The following PLOD1 variants were observed in gnomAD, a reference collection of about 807,000 sequenced individuals.
PLOD1 encodes procollagen-lysine,2-oxoglutarate 5-dioxygenase 1.
A neutral mutation model predicts 94.7 loss-of-function variants in PLOD1; 70 were observed. The ratio of observed to expected loss-of-function variants is 0.74; its 90% CI spans 0.61 to 0.90. The LOEUF (loss-of-function observed/expected upper bound fraction) is 0.90. PLOD1 is among the 40% of genes least tolerant of loss of function. The probability of loss-of-function intolerance (pLI) is 0.00; values close to 1 mark genes in which losing one functional copy is unlikely to be tolerated. For synonymous variants in PLOD1, 417 were observed against 400.2 expected (o/e 1.04, Z -0.50); for missense variants, 905 against 972.7 (o/e 0.93, Z 0.93).
Position 11,974,665 on chromosome 1 carries a change from C to G in PLOD1, c.2041C>G (p.Arg681Gly). ...VGVDYEGGGC[R>G]FLRYNCSIRA... ...TTCTGTCTCCCAGGGCGGGGGCTGT[C>G]GGTTCCTGCGCTACAACTGTTCCAT... The change falls in exon 19 of 19, where the codon CGG becomes GGG. Residue 681 changes from arginine to glycine, a missense_variant. Physicochemically the swap from Arg to Gly is moderately radical, Grantham distance 125 (BLOSUM62 -2). Transcript: ENST00000196061. 1 of 1,613,622 alleles carries G rather than the reference C, an allele frequency of 6.2e-7. No homozygotes were observed. The highest frequency in any genetic ancestry group is 8.5e-7 in the Non-Finnish European group (1 of 1,179,732).
intron 5 of PLOD1, 35 bp downstream of exon 5, chr1:11,952,770 T>C: frequency 6.8e-7 from 1 of 1,465,396 alleles, no homozygotes; most frequent in Non-Finnish European, 9.6e-7. Context: ...GAGAGGGGGC[T>C]GGGGATCCAC....
Position 11,964,715 on chromosome 1 carries a change from A to C in PLOD1, c.1400A>C (p.Gln467Pro). 2 of 1,613,472 alleles carry C rather than the reference A, an allele frequency of 1.2e-6. No homozygotes were observed. The highest frequency in any genetic ancestry group is 1.1e-5 in the South Asian group (1 of 91,086). The change falls in exon 13 of 19, where the codon CAG becomes CCG. Residue 467 changes from glutamine (Q) to proline (P), a missense_variant. Physicochemically the swap from Gln to Pro is moderately conservative, Grantham distance 76. Coordinates refer to ENST00000196061, the MANE Select transcript of PLOD1 (RefSeq NM_000302.4). ...IKGSALRGELQSSDLFHHSKL... is the reference protein window; with the variant it reads ...IKGSALRGELPSSDLFHHSKL... ...GGCAGTGCCCTGCGGGGTGAGCTGC[A>C]GTCCTCAGATCTCTTCCACCACAGC...
chr1:11,952,691 G>C lies in PLOD1; in HGVS notation c.535G>C (p.Asp179His), dbSNP rs188165334. Residue 179 changes from aspartate to histidine, a missense_variant, in exon 5 of 19, where the codon GAT (aspartate) becomes CAT (histidine). Coordinates refer to ENST00000196061, the MANE Select transcript of PLOD1 (RefSeq NM_000302.4). The part of the protein sequence containing the change: ...AEWEGQDSDS[D>H]QLFYTKIFLD... ...GTGGGAGGGCCAGGACAGCGACAGC[G>C]ATCAGCTGTTTTACACCAAGATCTT... is the stretch of plus-strand genomic sequence containing the variant. 14 of 1,613,912 alleles carry C rather than the reference G, an allele frequency of 8.7e-6. No individual in the cohort carries two copies. The highest frequency in any genetic ancestry group is 8.3e-5 in the Admixed American group (5 of 59,984).
chr1:11,938,646 G>A (rs1383984257), intron 1 of PLOD1, among the ~76,000 whole-genome samples: 1 of 152,176 alleles, frequency 6.6e-6, no homozygotes, highest in Non-Finnish European at 1.5e-5. Flanking sequence ...GATGGGAGGA[G>A]GCAGCTACTG....
At chr1:11,964,576 C>T (rs1645802211) in intron 12 of PLOD1, 68 bp from the exon 13 acceptor site, 3 of 1,521,626 alleles carry the variant, frequency 2.0e-6, no homozygotes, top group Non-Finnish European at 2.7e-6. Flanking sequence ...CCACCACCAC[C>T]CTGTGACCCC....
Position 11,958,667 on chromosome 1 carries a change from T to C in PLOD1, c.975+20T>C. The C allele has an allele frequency of 6.2e-7, 1 of 1,613,942 alleles. No homozygotes were observed. ...AACCACGTGAGTAACAGGCGCTCTG[T>C]GGGGTCGTCATGTGGCTTAGATCCA... On this transcript the variant is annotated intron_variant, in intron 9 of 18. Transcript: ENST00000196061. This position sits in a 1 kb window ranked among gnomAD's most constrained non-coding sequence, Gnocchi z 4.3.
At chr1:11,962,274 C>CTTTTTTTTTTTTTTTTTTTTTTCT (rs780613164) in intron 10 of PLOD1, among the ~76,000 whole-genome samples, 2 of 99,090 alleles carry the variant, frequency 2.0e-5, no homozygotes, top group Non-Finnish European at 1.9e-5. Context: ...TTTTTGTTTT[C>CTTTTTTTTTTTTTTTTTTTTTTCT]TTTTTTTTTT....
intron 5 of PLOD1, chr1:11,954,372 G>A (rs187047401): frequency 1.2e-4 from 42 of 358,770 alleles, no homozygotes; most frequent in African/African-American, 8.0e-4. Context: ...CGTAGTCCCA[G>A]CTACTCAGGA....
chr1:11,964,563 TC>T, intron 12 of PLOD1, 80 bp from the exon 13 acceptor site: 1 of 1,413,104 alleles, frequency 7.1e-7, no homozygotes, highest in Non-Finnish European at 1.0e-6. Flanking sequence ...AGGCTATGAC[TC>T]CCCACCACCA....
chr1:11,959,736 G>C (rs1402145649), intron 9 of PLOD1, among the ~76,000 whole-genome samples: 3 of 149,976 alleles, frequency 2.0e-5, no homozygotes, highest in African/African-American at 7.4e-5. Flanking sequence ...TCCTGCCTCA[G>C]CCTCCCGAGT....
chr1:11,952,603 C>T lies in PLOD1; in HGVS notation c.467-20C>T, dbSNP rs1645710680. 1.9e-6 allele frequency: 3 copies of T among 1,570,482 alleles called. No homozygotes were observed. Among genetic ancestry groups the T allele is most frequent in the Non-Finnish European group, 2.6e-6 (3 of 1,140,224 alleles). ...GGAAGCTAAGGGTCCGTCTTGGTGT[C>T]CCCACCCACCAACCTTCAGGCTTCA... is the stretch of plus-strand genomic sequence containing the variant. On this transcript the variant is annotated intron_variant, in intron 4 of 18. Coordinates refer to ENST00000196061, the MANE Select transcript of PLOD1 (RefSeq NM_000302.4).
At position 11,934,743 on chromosome 1, in the gene PLOD1, GCCGCCGGGTCGGCC is replaced by G. The variant is rs1645565293; in HGVS notation, c.-36_-23del. 1 of 1,518,608 alleles carries G rather than the reference GCCGCCGGGTCGGCC, an allele frequency of 6.6e-7. No homozygotes were observed. The allele number at this position is 1,518,608 out of a possible 1,614,324, so 94.1% of individuals were successfully genotyped here. ...TCGCGAAGTTTCCAGCCCTGCGAGC[GCCGCCGGGTCGGCC>G]GATCGTCCCCCATACCTCGGCCATG... On this transcript the variant is annotated 5_prime_UTR_variant, in exon 1 of 19. Coordinates refer to ENST00000196061, the MANE Select transcript of PLOD1 (RefSeq NM_000302.4).
intron 18 of PLOD1, 38 bp from the exon 19 acceptor site, chr1:11,974,615 G>C (rs766481633): frequency 1.3e-6 from 2 of 1,595,598 alleles, no homozygotes; most frequent in Non-Finnish European, 1.7e-6. Flanking sequence ...GGGCAGGGGG[G>C]CGGTGGGGAA....
intron 1 of PLOD1, among the ~76,000 whole-genome samples, chr1:11,944,075 T>C (rs1645632833): frequency 6.6e-6 from 1 of 152,006 alleles, no homozygotes; most frequent in Admixed American, 6.6e-5. Context: ...CTACTAAAAA[T>C]ACAAAAAATT....
At chr1:11,937,996 AG>A (rs1438207532) in intron 1 of PLOD1, among the ~76,000 whole-genome samples, 18 of 140,362 alleles carry the variant, frequency 1.3e-4, no homozygotes, top group African/African-American at 4.9e-4. Context: ...TTTGTCGCCC[AG>A]GCTGGAGTGC....
Position 11,954,907 on chromosome 1 carries a change from A to G in PLOD1, c.643+14A>G. 1 of 1,602,930 alleles carries G rather than the reference A, an allele frequency of 6.2e-7. No individual in the cohort carries two copies. Among genetic ancestry groups the G allele is most frequent in the South Asian group, 1.1e-5 (1 of 90,842 alleles). ...ATGGAGCCTTGGGTGAGCAGCCCCC[A>G]CGGGGAGGGGTGGATCCTCAGAGGG... is the stretch of plus-strand genomic sequence containing the variant. On this transcript the variant is annotated intron_variant, in intron 6 of 18. Transcript: ENST00000196061.
intron 5 of PLOD1, among the ~76,000 whole-genome samples, chr1:11,953,697 C>T (rs1185665292): frequency 6.6e-6 from 1 of 151,324 alleles, no homozygotes; most frequent in Non-Finnish European, 1.5e-5. Flanking sequence ...GAGGCTGAGG[C>T]AGGAGAATTG....
chr1:11,970,792 G>A lies in PLOD1; in HGVS notation c.1878G>A (p.Lys626=), dbSNP rs201112464. ...LLEYIAPMTE[K]LYPGYYTRAQ... is the part of the protein sequence containing the mutation. Reference sequence around the variant, plus strand: ...AGTACATTGCGCCCATGACGGAGAAGCTCTACCCCGGCTACTACACCAGGG... The same window carrying A: ...AGTACATTGCGCCCATGACGGAGAAACTCTACCCCGGCTACTACACCAGGG... The change falls in exon 17 of 19, where the codon AAG becomes AAA. Residue 626 remains lysine, a synonymous_variant. Transcript: ENST00000196061. 26 of 1,608,732 alleles carry A rather than the reference G, an allele frequency of 1.6e-5. No homozygotes were observed. In the African/African-American group the frequency reaches 3.6e-4, roughly 22 times the overall value.
intron 1 of PLOD1, chr1:11,944,541 C>T (rs756127228): frequency 7.4e-7 from 1 of 1,349,264 alleles, no homozygotes; most frequent in Non-Finnish European, 9.9e-7. Flanking sequence ...GCCAAGAGGG[C>T]CTCAGAGCTG....
Sources: allele counts gnomAD v4.1 joint callset (sites outside exome capture counted in the v4.1 genomes callset), GRCh38; gene constraint gnomAD v4.1.1; non-coding constraint Gnocchi (gnomAD v3.1); transcripts MANE v1.5; gene names NCBI Gene and HGNC (gene_info 2026-07-23, HGNC 2026-07-21).